Variants in DCC observed in about 807,000 individuals in gnomAD.
The protein encoded by DCC is netrin receptor DCC.
A neutral mutation model predicts 172.5 loss-of-function variants in DCC; 58 were observed. The ratio of observed to expected loss-of-function variants is 0.34; its 90% CI spans 0.27 to 0.42. The LOEUF (loss-of-function observed/expected upper bound fraction) is 0.42. Ranked by LOEUF, DCC falls within the 10% of genes least tolerant of loss-of-function variation. The probability of loss-of-function intolerance (pLI) is 1.00; values close to 1 mark genes in which losing one functional copy is unlikely to be tolerated. For synonymous variants in DCC, 709 were observed against 644.5 expected (o/e 1.10, Z -1.52); for missense variants, 1,740 against 1,791.0 (o/e 0.97, Z 0.51).
intron 2 of DCC, among the ~76,000 whole-genome samples, chr18:52,842,415 A>G (rs551357328): frequency 4.6e-5 from 7 of 152,168 alleles, no homozygotes; most frequent in Non-Finnish European, 1.0e-4. Flanking sequence ...AGATTGATGT[A>G]CCAACTTGTC....
At chr18:52,583,703 G>A (rs1356238680) in intron 1 of DCC, among the ~76,000 whole-genome samples, 2 of 152,172 alleles carry the variant, frequency 1.3e-5, no homozygotes, top group African/African-American at 4.8e-5. Flanking sequence ...TTAAAGAAAA[G>A]TGAAAAATAA....
At chr18:52,883,904 C>A (rs1004991322) in intron 2 of DCC, among the ~76,000 whole-genome samples, 1 of 150,824 alleles carries the variant, frequency 6.6e-6, no homozygotes, top group African/African-American at 2.4e-5. Flanking sequence ...TGATGAAATC[C>A]CCTAAGTTTT....
intron 12 of DCC, among the ~76,000 whole-genome samples, chr18:53,295,152 A>G (rs1011148612): frequency 6.6e-6 from 1 of 152,178 alleles, no homozygotes; most frequent in African/African-American, 2.4e-5. Flanking sequence ...CCCTCTGGAA[A>G]TGTATCATAC....
intron 2 of DCC, among the ~76,000 whole-genome samples, chr18:52,794,556 C>T (rs1568108404): frequency 6.6e-6 from 1 of 151,794 alleles, no homozygotes; most frequent in Non-Finnish European, 1.5e-5. Context: ...TTAGGTTTTT[C>T]TATACATAAG....
At chr18:52,925,440 C>T in intron 5 of DCC, 70 bp downstream of exon 5, 1 of 1,471,478 alleles carries the variant, frequency 6.8e-7, no homozygotes, top group East Asian at 2.3e-5. Context: ...TTTTAATGCT[C>T]ATCACTGAAT....
chr18:53,396,334 T>C (rs1908942171), intron 17 of DCC, among the ~76,000 whole-genome samples: 1 of 152,228 alleles, frequency 6.6e-6, no homozygotes, highest in African/African-American at 2.4e-5. Context: ...AAATATACTT[T>C]AATGGATTAA....
intron 1 of DCC, among the ~76,000 whole-genome samples, chr18:52,654,207 T>C (rs1304998830): frequency 6.6e-6 from 1 of 152,126 alleles, no homozygotes; most frequent in East Asian, 1.9e-4. Flanking sequence ...TGGAGAAACA[T>C]ACAGTTTGGT....
At chr18:53,035,779 ATTAGT>A (rs1471769274) in intron 5 of DCC, among the ~76,000 whole-genome samples, 4 of 152,020 alleles carry the variant, frequency 2.6e-5, no homozygotes, top group Non-Finnish European at 5.9e-5. Flanking sequence ...TTAATCTATA[ATTAGT>A]TTAAATAAAC....
At chr18:53,056,239 G>T (rs939754179) in intron 5 of DCC, among the ~76,000 whole-genome samples, 2 of 152,066 alleles carry the variant, frequency 1.3e-5, no homozygotes, top group Non-Finnish European at 2.9e-5. Flanking sequence ...GCAGGAGACA[G>T]GAAGTGCCAC....
At chr18:52,780,486 G>T (rs1174627595) in intron 2 of DCC, among the ~76,000 whole-genome samples, 1 of 152,042 alleles carries the variant, frequency 6.6e-6, no homozygotes, top group Non-Finnish European at 1.5e-5. Flanking sequence ...TAAGAGAAAG[G>T]CATTCACATT....
chr18:53,481,516 C>G (rs181234274), intron 25 of DCC, among the ~76,000 whole-genome samples: 148 of 152,084 alleles, frequency 9.7e-4, no homozygotes, highest in Non-Finnish European at 1.6e-3. Flanking sequence ...ATATCAAGGA[C>G]AATAGAGGCT....
intron 23 of DCC, among the ~76,000 whole-genome samples, chr18:53,451,731 C>G (rs79397127): frequency 6.6e-6 from 1 of 151,910 alleles, no homozygotes; most frequent in East Asian, 1.9e-4. Context: ...CTCTCTCTCT[C>G]TCCATCTCTC....
chr18:52,866,337 C>T (rs1333020787), intron 2 of DCC, among the ~76,000 whole-genome samples: 1 of 152,132 alleles, frequency 6.6e-6, no homozygotes, highest in African/African-American at 2.4e-5. Context: ...ATGTCTCCAG[C>T]TTTGTTCCTT....
intron 5 of DCC, among the ~76,000 whole-genome samples, chr18:52,979,457 A>T (rs1206437410): frequency 6.6e-6 from 1 of 152,184 alleles, no homozygotes; most frequent in East Asian, 1.9e-4. Flanking sequence ...TATACATGAC[A>T]CTGATCCAAC....
intron 7 of DCC, among the ~76,000 whole-genome samples, chr18:53,122,325 G>A (rs2043494323): frequency 6.6e-6 from 1 of 151,868 alleles, no homozygotes; most frequent in Non-Finnish European, 1.5e-5. Context: ...TAACCAATTG[G>A]CTTTTCTTTT....
chr18:52,397,828 A>G (rs895338236), intron 1 of DCC, among the ~76,000 whole-genome samples: 1 of 151,986 alleles, frequency 6.6e-6, no homozygotes. Flanking sequence ...ATTTGTTTTC[A>G]TCTAGCAAAC....
intron 14 of DCC, among the ~76,000 whole-genome samples, chr18:53,322,525 A>G (rs2057423790): frequency 6.6e-6 from 1 of 152,106 alleles, no homozygotes; most frequent in Non-Finnish European, 1.5e-5. Context: ...CTATAACTAT[A>G]TAATATAGCT....
At chr18:52,486,383 A>G (rs1384981718) in intron 1 of DCC, among the ~76,000 whole-genome samples, 3 of 152,108 alleles carry the variant, frequency 2.0e-5, no homozygotes, top group Admixed American at 6.6e-5. Flanking sequence ...GTTCAGGGAT[A>G]TAGATTCCTG....
chr18:53,175,899 G>A (rs1039746685), intron 8 of DCC, among the ~76,000 whole-genome samples: 1 of 152,182 alleles, frequency 6.6e-6, no homozygotes, highest in African/African-American at 2.4e-5. Context: ...AACAAAGCTG[G>A]AGGTATCACA....
Sources: allele counts gnomAD v4.1 joint callset (sites outside exome capture counted in the v4.1 genomes callset), GRCh38; gene constraint gnomAD v4.1.1; transcripts MANE v1.5; gene names NCBI Gene and HGNC (gene_info 2026-07-23, HGNC 2026-07-21).